PSRC1: variants seen among roughly 807,000 people sequenced by gnomAD.
The protein encoded by PSRC1 is proline and serine rich coiled-coil 1.
PSRC1 carries 30 observed loss-of-function variants against 31.9 expected under a neutral mutation model. That is an observed-to-expected ratio of 0.94 (90% CI 0.70 to 1.28). PSRC1 has a LOEUF of 1.28. PSRC1 is among the 50% of genes most tolerant of loss of function. The pLI, the probability that PSRC1 is intolerant of heterozygous loss-of-function variation, is 0.00. For synonymous variants in PSRC1, 191 were observed against 192.1 expected, an observed-to-expected ratio of 0.99 and a Z score of 0.05; for missense variants, 481 against 472.8, an observed-to-expected ratio of 1.02 and a Z score of -0.16.
chr1:109,282,881 C>T lies in PSRC1; in HGVS notation c.-33-150G>A. The T allele has an allele frequency of 7.1e-6, 5 of 699,582 alleles. No individual in the cohort carries two copies. In the South Asian group the frequency reaches 9.1e-5, roughly 13 times the overall value. 43.3% of individuals were successfully genotyped at this position (699,582 alleles called of 1,614,324 possible). Reference sequence around the variant, plus strand: ...ACCTCCCGCACAGCTACTCCTGCTACCTCCGGGAACGATACGGAGGGCTCC... The same window carrying T: ...ACCTCCCGCACAGCTACTCCTGCTATCTCCGGGAACGATACGGAGGGCTCC... On this transcript the variant is annotated intron_variant, in intron 1 of 6. Coordinates refer to ENST00000409138, the Ensembl canonical transcript of PSRC1.
At chr1:109,280,987 G>A (rs374878696) in exon 5 of PSRC1, 31 of 1,603,914 alleles carry the variant, frequency 1.9e-5, no homozygotes, top group Middle Eastern at 1.7e-4. Flanking sequence ...CGGGGCAGGC[G>A]TTGAGAGTTG....
intron 4 of PSRC1, 152 bp downstream of exon 4, chr1:109,281,467 G>C: frequency 1.2e-6 from 1 of 804,906 alleles, no homozygotes; most frequent in African/African-American, 1.7e-5. Flanking sequence ...TGTGGTAAGA[G>C]TTTTGGTTCT....
chr1:109,281,497 T>G, intron 4 of PSRC1, 122 bp downstream of exon 4: 1 of 972,326 alleles, frequency 1.0e-6, no homozygotes, highest in East Asian at 2.4e-5. Flanking sequence ...TGGTTCTCAT[T>G]TAATTCCAAC....
At chr1:109,282,961 G>A (rs996713173) in intron 1 of PSRC1, 102 bp downstream of exon 1, 13 of 586,616 alleles carry the variant, frequency 2.2e-5, no homozygotes, top group Non-Finnish European at 3.9e-5. Flanking sequence ...CTCCTCACTG[G>A]GGGCGGCCTG....
chr1:109,281,367 G>T, intron 4 of PSRC1, 116 bp from the exon 5 acceptor site: 1 of 924,368 alleles, frequency 1.1e-6, no homozygotes, highest in South Asian at 1.8e-5. Context: ...AGGAAGGGTA[G>T]AAGTTAGCTG....
In PSRC1 at chr1:109,280,500, G is replaced by T; in HGVS notation, c.995-11C>A. ...GCTGGGAAACAGGAACTTCATGGGG[G>T]TTAACAAAAGAAATGAGTTAGCAGC... is the stretch of plus-strand genomic sequence containing the variant. On this transcript the variant is annotated splice_polypyrimidine_tract_variant and intron_variant, in intron 5 of 6. Transcript: ENST00000409138. 3 of 1,601,224 alleles carry T rather than the reference G, an allele frequency of 1.9e-6. No individual in the cohort carries two copies. The highest frequency in any genetic ancestry group is 2.6e-6 in the Non-Finnish European group (3 of 1,173,206).
At chr1:109,280,567 C>T (rs558952934) in intron 5 of PSRC1, 78 bp from the exon 7 acceptor site, 23 of 1,243,658 alleles carry the variant, frequency 1.8e-5, no homozygotes, top group East Asian at 1.5e-4. Context: ...ATGAAGGGAG[C>T]GAGTGTGGGA....
At chr1:109,280,344 C>T (rs914180036) in intron 6 of PSRC1, 52 bp downstream of exon 7, 10 of 1,507,738 alleles carry the variant, frequency 6.6e-6, no homozygotes, top group Non-Finnish European at 9.1e-6. Context: ...CTTGGAATCC[C>T]AGATGATGGC....
rs767191589 is a variant in PSRC1, at chr1:109,280,774, T to C, written c.994+3A>G. The C allele has an allele frequency of 2.6e-6, 4 of 1,560,056 alleles. No individual in the cohort carries two copies. The highest frequency in any genetic ancestry group is 2.6e-6 in the Non-Finnish European group (3 of 1,147,470). On this transcript the variant is annotated splice_donor_region_variant and intron_variant, in intron 5 of 6. Coordinates refer to ENST00000409138, the Ensembl canonical transcript of PSRC1. ...GCGGGCATTCTTCCTCCTGACCTCT[T>C]ACCCTTGTGTCCACTTTCCCGCACT...
intron 1 of PSRC1, 67 bp from the exon 2 acceptor site, chr1:109,282,803 G>A: frequency 6.7e-7 from 1 of 1,489,428 alleles, no homozygotes; most frequent in South Asian, 1.2e-5. Flanking sequence ...GATTCAGGGT[G>A]CAAGCCAGGG....
At chr1:109,280,828 G>A in exon 5 of PSRC1, 1 of 1,608,972 alleles carries the variant, frequency 6.2e-7, no homozygotes, top group East Asian at 2.2e-5. Context: ...GGTCTTGGAA[G>A]CCCTTTTCGA....
chr1:109,281,734 G>C, exon 4 of PSRC1: 1 of 1,613,976 alleles, frequency 6.2e-7, no homozygotes, highest in Non-Finnish European at 8.5e-7. Context: ...GGTGCTCCGC[G>C]TCAAAGAGTT....
At chr1:109,281,952 C>T in exon 4 of PSRC1, 1 of 1,561,510 alleles carries the variant, frequency 6.4e-7, no homozygotes. Flanking sequence ...GGCTGAGCCT[C>T]ACACCCTGGG....
chr1:109,281,363 G>A (rs1312757875), intron 4 of PSRC1, 112 bp from the exon 5 acceptor site: 3 of 978,932 alleles, frequency 3.1e-6, no homozygotes, highest in Non-Finnish European at 4.5e-6. Context: ...AGTAAGGAAG[G>A]GTAGAAGTTA....
Position 109,282,093 on chromosome 1 carries a change from A to G in PSRC1, c.78-33T>C, listed in dbSNP as rs1168068546. 10 of 1,452,982 alleles carry G rather than the reference A, an allele frequency of 6.9e-6. No individual in the cohort carries two copies. In the South Asian group the frequency reaches 1.3e-4, roughly 19 times the overall value. The allele number at this position is 1,452,982 out of a possible 1,614,324, so 90.0% of individuals were successfully genotyped here. ...AGGAAACAAACCAGGCATCATGCCC[A>G]TGCAAAAGGGAACAGGAGATTATGC... On this transcript the variant is annotated intron_variant, in intron 3 of 6. Transcript: ENST00000409138.
chr1:109,282,618 T>C, intron 2 of PSRC1, 43 bp from the exon 3 acceptor site: 1 of 1,609,842 alleles, frequency 6.2e-7, no homozygotes, highest in Non-Finnish European at 8.5e-7. Context: ...GGGTCCCTGA[T>C]GCAGCTCTCC....
In PSRC1 at chr1:109,282,512, TG is replaced by T. The variant is rs1657345346; in HGVS notation, c.77+5del. On this transcript the variant is annotated splice_donor_5th_base_variant and intron_variant, in intron 3 of 6. Transcript: ENST00000409138. ...AGGAAAATAAGTGGGATAAAGAGGC[TG>T]GTACCTGTCAGATGGTGACAGCCCC... The T allele has an allele frequency of 1.2e-6, 2 of 1,612,978 alleles. No individual in the cohort carries two copies. Among genetic ancestry groups the T allele is most frequent in the Non-Finnish European group, 1.7e-6 (2 of 1,178,958 alleles).
chr1:109,282,285 A>C, intron 3 of PSRC1: 1 of 610,344 alleles, frequency 1.6e-6, no homozygotes, highest in South Asian at 2.0e-5. Flanking sequence ...CAGGATGGAG[A>C]TGCAGCAAAT....
intron 1 of PSRC1, 24 bp downstream of exon 1, chr1:109,283,039 C>T: frequency 2.3e-6 from 1 of 434,476 alleles, no homozygotes. Flanking sequence ...TTTCCACTCC[C>T]CTGGCATCAC....
Sources: gnomAD v4.1 joint callset for allele counts on GRCh38, gnomAD v4.1.1 for gene constraint, MANE v1.5 for transcripts, NCBI Gene and HGNC (gene_info 2026-07-23, HGNC 2026-07-21) for gene names.